The following SMYD3 variants were observed in gnomAD, a reference collection of about 807,000 sequenced individuals.
SMYD3 encodes the protein histone-lysine N-methyltransferase SMYD3.
SMYD3 carries 36 observed loss-of-function variants against 57.7 expected under a neutral mutation model. The observed-to-expected ratio is 0.62, with a 90% confidence interval of 0.48 to 0.82. SMYD3 has a LOEUF of 0.82. Ranked by LOEUF, SMYD3 falls within the 40% of genes least tolerant of loss-of-function variation. The pLI, the probability that SMYD3 is intolerant of heterozygous loss-of-function variation, is 0.00. For missense variants in SMYD3, 515 were observed against 538.8 expected, an observed-to-expected ratio of 0.96 and a Z score of 0.44; for synonymous variants, 211 against 195.0, an observed-to-expected ratio of 1.08 and a Z score of -0.68.
At chr1:246,324,458 T>C (rs77773618) in intron 5 of SMYD3, among the ~76,000 whole-genome samples, 1,916 of 148,346 alleles carry the variant, frequency 0.013, 27 homozygotes, top group Non-Finnish European at 0.019. Context: ...AAACATAAGC[T>C]TAGTATGTCT....
At chr1:246,122,303 T>G (rs183633482) in intron 5 of SMYD3, among the ~76,000 whole-genome samples, 45 of 152,218 alleles carry the variant, frequency 3.0e-4, no homozygotes, top group African/African-American at 9.4e-4. Context: ...TCCCAGCTAC[T>G]CAGGAGGCGG....
intron 5 of SMYD3, among the ~76,000 whole-genome samples, chr1:246,217,482 C>G (rs1169631742): frequency 1.3e-5 from 2 of 152,034 alleles, no homozygotes; most frequent in Non-Finnish European, 2.9e-5. Context: ...GCACTCCAGC[C>G]TGGGTAATAG....
chr1:246,139,667 T>C (rs915291692), intron 5 of SMYD3, among the ~76,000 whole-genome samples: 1 of 152,248 alleles, frequency 6.6e-6, no homozygotes, highest in Non-Finnish European at 1.5e-5. Context: ...TAAAAATTGT[T>C]GATATGTGCT....
At chr1:246,147,996 A>G (rs1047754674) in intron 5 of SMYD3, among the ~76,000 whole-genome samples, 1 of 151,710 alleles carries the variant, frequency 6.6e-6, no homozygotes, top group African/African-American at 2.4e-5. Flanking sequence ...CTGATCTCCG[A>G]CCGGGGTTGG....
chr1:245,927,990 C>T lies in SMYD3; in HGVS notation c.643G>A (p.Val215Met). 6.2e-7 allele frequency: 1 copy of T among 1,612,770 alleles called. No homozygotes were observed. Among genetic ancestry groups the T allele is most frequent in the Non-Finnish European group, 8.5e-7 (1 of 1,179,236 alleles). The stretch of plus-strand genomic sequence containing the variant: ...AGTAAGAGGTGGGGCCCATTGAACA[C>T]AATCGAACAGTTGGGGTCACAGCTG... Reference protein sequence around the residue: ...NHSCDPNCSIVFNGPHLLLRA... With the variant: ...NHSCDPNCSIMFNGPHLLLRA... Residue 215 changes from valine to methionine, a missense_variant, in exon 7 of 12, where the codon GTG (valine) becomes ATG (methionine). Transcript: ENST00000490107.
intron 5 of SMYD3, among the ~76,000 whole-genome samples, chr1:245,952,303 C>G (rs2057682616): frequency 6.6e-6 from 1 of 151,540 alleles, no homozygotes; most frequent in African/African-American, 2.4e-5. Flanking sequence ...AAATCAAACA[C>G]CAGGAAACAA....
At chr1:245,856,666 G>A (rs1348622321) in intron 10 of SMYD3, among the ~76,000 whole-genome samples, 4 of 152,178 alleles carry the variant, frequency 2.6e-5, no homozygotes, top group African/African-American at 9.7e-5. Context: ...ACAGACACCC[G>A]TGTAGGTGTG....
intron 1 of SMYD3, among the ~76,000 whole-genome samples, chr1:246,483,213 G>A (rs1456324822): frequency 1.3e-5 from 2 of 152,166 alleles, no homozygotes; most frequent in Non-Finnish European, 2.9e-5. Flanking sequence ...CAATTGATGT[G>A]CCTGAACATT....
chr1:246,391,404 G>A (rs61841331), intron 1 of SMYD3, among the ~76,000 whole-genome samples: 8 of 41,374 alleles, frequency 1.9e-4, no homozygotes, highest in African/African-American at 7.9e-4. Flanking sequence ...AAGAGAGAGA[G>A]AGAAAGAGAG....
intron 5 of SMYD3, among the ~76,000 whole-genome samples, chr1:246,192,345 G>A (rs2062752106): frequency 6.6e-6 from 1 of 152,172 alleles, no homozygotes. Context: ...AAAGAAAGGG[G>A]CTACAGAACT....
At chr1:245,791,167 TTCA>T (rs1326313344) in intron 10 of SMYD3, among the ~76,000 whole-genome samples, 1 of 152,172 alleles carries the variant, frequency 6.6e-6, no homozygotes. Context: ...TCTCAGTGAT[TTCA>T]TCAAGCTGGC....
At chr1:245,775,243 CATG>C (rs1469524447) in intron 10 of SMYD3, among the ~76,000 whole-genome samples, 1 of 152,146 alleles carries the variant, frequency 6.6e-6, no homozygotes, top group African/African-American at 2.4e-5. Context: ...GAGAACGGGC[CATG>C]ATGACGATGG....
At chr1:246,110,877 C>T (rs2061224440) in intron 5 of SMYD3, among the ~76,000 whole-genome samples, 1 of 152,102 alleles carries the variant, frequency 6.6e-6, no homozygotes. Context: ...ACTGTAATTC[C>T]ATTTTAAGGG....
intron 1 of SMYD3, chr1:246,426,175 C>T (rs2067215688): frequency 6.6e-6 from 1 of 152,020 alleles, no homozygotes; most frequent in Non-Finnish European, 1.5e-5. Context: ...TTTGATTTTT[C>T]CATGTTAATT....
At chr1:246,097,609 T>C (rs1406869881) in intron 5 of SMYD3, among the ~76,000 whole-genome samples, 2 of 152,092 alleles carry the variant, frequency 1.3e-5, no homozygotes, top group Non-Finnish European at 2.9e-5. Flanking sequence ...CAACCTTTAA[T>C]TTCCAACCCC....
chr1:246,146,928 T>G (rs2061852377), intron 5 of SMYD3, among the ~76,000 whole-genome samples: 1 of 152,208 alleles, frequency 6.6e-6, no homozygotes, highest in African/African-American at 2.4e-5. Flanking sequence ...CACAGGGGCC[T>G]GCAGACGGTT....
Position 245,962,691 on chromosome 1 carries a change from T to C in SMYD3, c.532-32754A>G, listed in dbSNP as rs1172986149. ...GAGACCAAAAATCTTGTGCCAAGGT[T>C]TGACCTCAACAACCGCAAAACCAAT... On this transcript the variant is annotated intron_variant, in intron 5 of 11. Coordinates refer to ENST00000490107, the MANE Select transcript of SMYD3 (RefSeq NM_001167740.2). Among the ~76,000 whole-genome samples, 4 of 125,532 alleles carry C rather than the reference T, an allele frequency of 3.2e-5. 1 individual carries two copies. Among genetic ancestry groups the C allele is most frequent in the Non-Finnish European group, 7.1e-5 (4 of 56,108 alleles). The allele number at this position is 125,532 out of a possible 152,430, so 82.4% of individuals were successfully genotyped here.
intron 10 of SMYD3, among the ~76,000 whole-genome samples, chr1:245,764,506 C>G (rs1475779727): frequency 1.3e-5 from 2 of 152,114 alleles, no homozygotes; most frequent in Admixed American, 1.3e-4. Context: ...CATGAAGCAT[C>G]AGCATCAGCA....
At chr1:246,230,490 T>C (rs75351279) in intron 5 of SMYD3, among the ~76,000 whole-genome samples, 2,123 of 152,296 alleles carry the variant, frequency 0.014, 45 homozygotes, top group African/African-American at 0.047. Context: ...ATCTTGTGCA[T>C]TGCCAACTCT....
Sources: gnomAD v4.1 joint callset for allele counts (sites outside exome capture counted in the v4.1 genomes callset) on GRCh38, gnomAD v4.1.1 for gene constraint, MANE v1.5 for transcripts, NCBI Gene and HGNC (gene_info 2026-07-23, HGNC 2026-07-21) for gene names.